The following ZNF431 variants were observed in gnomAD, a reference collection of about 807,000 sequenced individuals.
ZNF431 encodes zinc finger protein 431.
Under a neutral mutation model 57.0 loss-of-function variants are expected in ZNF431, and 34 were observed. That is an observed-to-expected ratio of 0.60 (90% CI 0.45 to 0.79). The LOEUF is 0.79. Among genes scored for constraint, ZNF431 ranks in the 30% least tolerant of loss-of-function variants. The probability of loss-of-function intolerance (pLI) is 0.00; values close to 1 mark genes in which losing one functional copy is unlikely to be tolerated. For missense variants in ZNF431, 607 were observed against 667.1 expected (o/e 0.91, Z 0.99); for synonymous variants, 207 against 220.3 (o/e 0.94, Z 0.54).
rs947420992 is a variant in ZNF431 at position 21,186,116 on chromosome 19, C to T, written c.*2082C>T. ...TGGCCAATATGGAGAAATCCCGTCT[C>T]TACTAAAAATACAAAAATTAGCCAG... On this transcript the variant is annotated 3_prime_UTR_variant, in exon 5 of 5. Coordinates refer to ENST00000311048, the MANE Select transcript of ZNF431 (RefSeq NM_133473.4). The T allele has an allele frequency of 1.3e-5, 2 of 151,890 alleles. No homozygotes were observed. Among genetic ancestry groups the T allele is most frequent in the African/African-American group, 4.8e-5 (2 of 41,346 alleles). The allele number at this position is 151,890 out of a possible 1,614,324, so 9.4% of individuals were successfully genotyped here.
chr19:21,172,891 A>G (rs1039696355), intron 4 of ZNF431, among the ~76,000 whole-genome samples: 2 of 152,158 alleles, frequency 1.3e-5, no homozygotes, highest in African/African-American at 2.4e-5. Flanking sequence ...CTAAAACCCA[A>G]TATCCATTTA....
intron 4 of ZNF431, among the ~76,000 whole-genome samples, chr19:21,169,151 G>A (rs901587785): frequency 6.6e-5 from 10 of 152,000 alleles, no homozygotes; most frequent in Non-Finnish European, 1.2e-4. Context: ...CTGACCTTGT[G>A]ATTTGCCCCC....
chr19:21,175,473 A>G, intron 4 of ZNF431: 2 of 695,710 alleles, frequency 2.9e-6, no homozygotes, highest in South Asian at 3.0e-5. Flanking sequence ...CAGGATGTGC[A>G]GGTTTGTTAC....
In ZNF431 at chr19:21,187,144, G is replaced by A. The variant is rs1971391803; in HGVS notation, c.*3110G>A. 1.3e-5 allele frequency: 2 copies of A among 152,110 alleles called. No homozygotes were observed. The highest frequency in any genetic ancestry group is 4.8e-5 in the African/African-American group (2 of 41,426). The allele number at this position is 152,110 out of a possible 1,614,324, so 9.4% of individuals were successfully genotyped here. A position where few individuals can be genotyped will look rare whatever the true frequency, so the allele number is the denominator to read the frequency against. On this transcript the variant is annotated 3_prime_UTR_variant, in exon 5 of 5. Transcript: ENST00000311048. ...GGTGAAGATTGATTGTTCATATAGA[G>A]AGGACATTTTTTTTCCAGACTGTAA...
At chr19:21,154,343 A>G (rs1251123147) in intron 2 of ZNF431, among the ~76,000 whole-genome samples, 3 of 152,198 alleles carry the variant, frequency 2.0e-5, no homozygotes, top group African/African-American at 7.2e-5. Flanking sequence ...TACAAAGGAC[A>G]TGGACTCATC....
At chr19:21,171,579 G>T (rs1970891258) in intron 4 of ZNF431, among the ~76,000 whole-genome samples, 1 of 151,272 alleles carries the variant, frequency 6.6e-6, no homozygotes. Flanking sequence ...TATTGGTTAT[G>T]ACTTATCTCA....
In ZNF431 at chr19:21,148,720, A is replaced by G. The variant is rs1018803094; in HGVS notation, c.96+5077A>G. Among the ~76,000 whole-genome samples the G allele has an allele frequency of 2.0e-5, 3 of 152,338 alleles. No individual in the cohort carries two copies. In the South Asian group the frequency reaches 6.2e-4, roughly 32 times the overall value. On this transcript the variant is annotated intron_variant, in intron 2 of 4. Coordinates refer to ENST00000311048, the MANE Select transcript of ZNF431 (RefSeq NM_133473.4). ...TTTAGTAGTCAAAATTAGATGTTAC[A>G]ATGTTAACTCTTAGCAACTTTTACT...
At chr19:21,166,293 A>G (rs1970718562) in intron 2 of ZNF431, 42 bp from the exon 3 acceptor site, 5 of 1,592,402 alleles carry the variant, frequency 3.1e-6, no homozygotes, top group Non-Finnish European at 4.3e-6. Context: ...GCCCATGGCC[A>G]CTTGGTAAAT....
chr19:21,143,731 G>A (rs1465335491), intron 2 of ZNF431, 88 bp downstream of exon 2: 1 of 889,342 alleles, frequency 1.1e-6, no homozygotes, highest in Non-Finnish European at 1.8e-6. Context: ...TCCGATGCTG[G>A]CACTGATGGG....
rs1231905731 is a variant in ZNF431 at position 21,189,631 on chromosome 19, ATAAT to A, written c.*5600_*5603del. The A allele has an allele frequency of 5.8e-6, 2 of 343,746 alleles. No individual in the cohort carries two copies. Among genetic ancestry groups the A allele is most frequent in the Non-Finnish European group, 1.0e-5 (2 of 192,958 alleles). The allele number at this position is 343,746 out of a possible 1,614,324, so 21.3% of individuals were successfully genotyped here. A position where few individuals can be genotyped will look rare whatever the true frequency, so the allele number is the denominator to read the frequency against. On this transcript the variant is annotated 3_prime_UTR_variant, in exon 5 of 5. Coordinates refer to ENST00000311048, the MANE Select transcript of ZNF431 (RefSeq NM_133473.4). ...TTGAACTTATTTCTTCCATTTGACT[ATAAT>A]TATGTATTATTTCACAAACATGTTT...
chr19:21,146,409 GAAAAAAAAAAAAAAAA>G (rs59050670), intron 2 of ZNF431, among the ~76,000 whole-genome samples: 1 of 108,756 alleles, frequency 9.2e-6, no homozygotes. Flanking sequence ...CACTCTGTCT[GAAAAAAAAAAAAAAAA>G]AAGAAGAAGA....
Position 21,184,943 on chromosome 19 carries a change from ACT to A in ZNF431, c.*912_*913del, listed in dbSNP as rs1389770826. On this transcript the variant is annotated 3_prime_UTR_variant, in exon 5 of 5. Transcript: ENST00000311048. ...TGTAGACATTTTCTTCTAGAGGAAA[ACT>A]CTGAAGCAGTTGATCAAACTTTGTT... 2.0e-5 allele frequency: 3 copies of A among 152,126 alleles called. No individual in the cohort carries two copies. The highest frequency in any genetic ancestry group is 2.4e-5 in the African/African-American group (1 of 41,432). 9.4% of individuals were successfully genotyped at this position (152,126 alleles called of 1,614,324 possible).
intron 4 of ZNF431, among the ~76,000 whole-genome samples, chr19:21,176,951 GC>G (rs1971071735): frequency 6.6e-6 from 1 of 151,754 alleles, no homozygotes; most frequent in Non-Finnish European, 1.5e-5. Flanking sequence ...ACCCCCTTTG[GC>G]CTCCCAAAGC....
At chr19:21,181,520 T>C (rs1971209931) in intron 4 of ZNF431, among the ~76,000 whole-genome samples, 2 of 152,144 alleles carry the variant, frequency 1.3e-5, no homozygotes, top group Admixed American at 6.6e-5. Context: ...TCTCTTCTTG[T>C]CTGTGACTTT....
Position 21,156,380 on chromosome 19 carries a change from C to T in ZNF431, c.97-9955C>T, listed in dbSNP as rs80334617. Among the ~76,000 whole-genome samples, 299 of 152,028 alleles carry T rather than the reference C, an allele frequency of 2.0e-3. 7 individuals are homozygous for T. The East Asian group carries it at 0.047, about 24-fold the overall frequency. ...CGCATGGATTTTTTTTTTCTTTTAA[C>T]TTTTCTTTTTGGTTAAGGGGTCCAT... On this transcript the variant is annotated intron_variant, in intron 2 of 4. Coordinates refer to ENST00000311048, the MANE Select transcript of ZNF431 (RefSeq NM_133473.4).
chr19:21,184,078 G>A lies in ZNF431; in HGVS notation c.*44G>A, dbSNP rs113594182. The A allele has an allele frequency of 7.2e-3, 10,801 of 1,500,246 alleles. 276 individuals are homozygous for A. Among genetic ancestry groups the A allele is most frequent in the African/African-American group, 0.06 (4,258 of 71,438 alleles). The allele number at this position is 1,500,246 out of a possible 1,614,324, so 92.9% of individuals were successfully genotyped here. Reference sequence around the variant, plus strand: ...TAAGCATTAAATATTGGCCGGGTGCGGTGGCTTATGCAAAATGGCTCCCAG... The same window carrying A: ...TAAGCATTAAATATTGGCCGGGTGCAGTGGCTTATGCAAAATGGCTCCCAG... On this transcript the variant is annotated 3_prime_UTR_variant, in exon 5 of 5. Coordinates refer to ENST00000311048, the MANE Select transcript of ZNF431 (RefSeq NM_133473.4).
intron 3 of ZNF431, among the ~76,000 whole-genome samples, chr19:21,166,859 T>A (rs566118127): frequency 1.3e-5 from 2 of 152,312 alleles, no homozygotes; most frequent in South Asian, 4.1e-4. Flanking sequence ...AGATTAATTT[T>A]ATTTTATTTA....
intron 4 of ZNF431, among the ~76,000 whole-genome samples, chr19:21,169,243 G>GT (rs565174353): frequency 1.1e-3 from 172 of 152,052 alleles, no homozygotes; most frequent in African/African-American, 3.8e-3. Flanking sequence ...ACTGTTTATG[G>GT]TTTTTTTATA....
At chr19:21,171,695 T>C (rs1466658606) in intron 4 of ZNF431, among the ~76,000 whole-genome samples, 1 of 77,680 alleles carries the variant, frequency 1.3e-5, no homozygotes, top group African/African-American at 4.5e-5. Flanking sequence ...TTTCTAATGA[T>C]GAATATATAT....
Sources: allele counts gnomAD v4.1 joint callset (sites outside exome capture counted in the v4.1 genomes callset), GRCh38; gene constraint gnomAD v4.1.1; transcripts MANE v1.5; gene names NCBI Gene and HGNC (gene_info 2026-07-23, HGNC 2026-07-21).